The following C3orf20 variants were observed in gnomAD, a reference collection of about 807,000 sequenced individuals.
C3orf20 encodes uncharacterized protein C3orf20.
C3orf20 carries 76 observed loss-of-function variants against 88.3 expected under a neutral mutation model. The observed-to-expected ratio is 0.86, with a 90% CI of 0.72 to 1.04. The LOEUF is 1.04. Among genes scored for constraint, C3orf20 ranks in the 50% least tolerant of loss-of-function variants. The pLI is 0.00. For missense variants in C3orf20, 1,056 were observed against 1,123.3 expected, an observed-to-expected ratio of 0.94 and a Z score of 0.86; for synonymous variants, 436 against 437.4, an observed-to-expected ratio of 1.00 and a Z score of 0.04.
At position 14,755,029 on chromosome 3, in the gene C3orf20, C is replaced by T. The variant is rs375295138; in HGVS notation, c.1941-2342C>T. On this transcript the variant is annotated intron_variant, in intron 12 of 16. Coordinates refer to ENST00000253697, the MANE Select transcript of C3orf20 (RefSeq NM_032137.5). The stretch of plus-strand genomic sequence containing the variant: ...TGTGAGCCACCATGCCCAGCCCTCC[C>T]TCCTTTATAATTTTTAAAACCTATA... 2.4e-4 allele frequency among the ~76,000 whole-genome samples: 37 copies of T among 152,218 alleles called. 1 individual carries two copies. In the South Asian group the frequency reaches 2.9e-3, roughly 12 times the overall value.
At position 14,684,229 on chromosome 3, in the gene C3orf20, A is replaced by G. The variant is rs771708339; in HGVS notation, c.485-13A>G. ...CTAGGAGGGACACGTGTTGCTTTCT[A>G]TCATTGCTTTAGTGGGTGCCAACCC... On this transcript the variant is annotated splice_polypyrimidine_tract_variant and intron_variant, in intron 3 of 16. Coordinates refer to ENST00000253697, the MANE Select transcript of C3orf20 (RefSeq NM_032137.5). 36 of 1,613,516 alleles carry G rather than the reference A, an allele frequency of 2.2e-5. No homozygotes were observed. Among genetic ancestry groups the G allele is most frequent in the Middle Eastern group, 1.7e-4 (1 of 6,056 alleles).
chr3:14,685,612 A>G (rs1036270496), intron 4 of C3orf20, among the ~76,000 whole-genome samples: 1 of 151,894 alleles, frequency 6.6e-6, no homozygotes, highest in Admixed American at 6.6e-5. Flanking sequence ...GTTCTCCACA[A>G]TTCATTCCTC....
intron 7 of C3orf20, among the ~76,000 whole-genome samples, chr3:14,709,252 A>G (rs2033646024): frequency 6.6e-6 from 1 of 152,104 alleles, no homozygotes; most frequent in South Asian, 2.1e-4. Context: ...TTTGCTGTAG[A>G]TTTTTTTGTG....
intron 7 of C3orf20, among the ~76,000 whole-genome samples, chr3:14,712,166 A>G (rs2033766179): frequency 8.2e-5 from 2 of 24,278 alleles, no homozygotes; most frequent in Non-Finnish European, 2.0e-4. Context: ...ACACACACGC[A>G]CACACACGCG....
intron 12 of C3orf20, among the ~76,000 whole-genome samples, chr3:14,755,101 T>C (rs561941079): frequency 3.3e-5 from 5 of 152,338 alleles, no homozygotes; most frequent in African/African-American, 1.2e-4. Context: ...CATATTTTAT[T>C]GGGTTATTAA....
At chr3:14,715,525 A>T in intron 9 of C3orf20, 116 bp downstream of exon 9, 1 of 1,324,442 alleles carries the variant, frequency 7.6e-7, no homozygotes, top group Non-Finnish European at 1.0e-6. Flanking sequence ...GTAAGACAGG[A>T]AGCCTGCCCT....
At chr3:14,711,835 T>A (rs2033752688) in intron 7 of C3orf20, among the ~76,000 whole-genome samples, 1 of 152,106 alleles carries the variant, frequency 6.6e-6, no homozygotes, top group Non-Finnish European at 1.5e-5. Context: ...TTAGTTTTTC[T>A]ATTTGTTTTC....
rs546601274 is a variant in C3orf20, at chr3:14,738,553, G to A, written c.1940+9865G>A. On this transcript the variant is annotated intron_variant, in intron 12 of 16. Coordinates refer to ENST00000253697, the MANE Select transcript of C3orf20 (RefSeq NM_032137.5). ...TCACCATGTTAGCTAGGATGGTCTC[G>A]ATCTCCTGACCTCGTGATCTGCCCA... Among the ~76,000 whole-genome samples, 11 of 149,438 alleles carry A rather than the reference G, an allele frequency of 7.4e-5. No individual in the cohort carries two copies. The South Asian group carries it at 1.5e-3, about 20-fold the overall frequency.
intron 1 of C3orf20, among the ~76,000 whole-genome samples, chr3:14,677,666 A>G (rs2124870691): frequency 6.6e-6 from 1 of 151,938 alleles, no homozygotes; most frequent in South Asian, 2.1e-4. Flanking sequence ...ACACCTGGCT[A>G]CTTTTTGTAT....
Position 14,759,390 on chromosome 3 carries a change from C to T in C3orf20, c.2245-501C>T, listed in dbSNP as rs377441863. 2.7e-4 allele frequency among the ~76,000 whole-genome samples: 41 copies of T among 152,166 alleles called. 1 individual carries two copies. In the South Asian group the frequency reaches 3.1e-3, roughly 12 times the overall value. On this transcript the variant is annotated intron_variant, in intron 13 of 16. Transcript: ENST00000253697. ...CAGCTTTCCTCTGAATTGCCCACAC[C>T]CTACCTTGAGGTGTGGGTTCAGTTC...
intron 12 of C3orf20, among the ~76,000 whole-genome samples, chr3:14,753,966 G>A (rs539166986): frequency 2.0e-5 from 3 of 152,348 alleles, no homozygotes; most frequent in Admixed American, 6.5e-5. Flanking sequence ...TTCACACCAA[G>A]ACTAATCTGC....
In C3orf20 at chr3:14,715,428, G is replaced by T. The variant is rs754728727; in HGVS notation, c.1434+19G>T. The T allele has an allele frequency of 6.9e-6, 11 of 1,605,328 alleles. No individual in the cohort carries two copies. Among genetic ancestry groups the T allele is most frequent in the Admixed American group, 1.7e-5 (1 of 59,668 alleles). ...ATACAAGGTAGGGATGGGCAGCACA[G>T]GTTGGGTGGCAGTGAGCACCACTGT... On this transcript the variant is annotated intron_variant, in intron 9 of 16. Transcript: ENST00000253697.
At chr3:14,709,622 G>A (rs2033661702) in intron 7 of C3orf20, among the ~76,000 whole-genome samples, 1 of 151,976 alleles carries the variant, frequency 6.6e-6, no homozygotes, top group Non-Finnish European at 1.5e-5. Flanking sequence ...ATCAGTTAAG[G>A]TGATCATGAT....
chr3:14,772,722 C>T lies in C3orf20; in HGVS notation c.2631-69C>T, dbSNP rs918946049. On this transcript the variant is annotated intron_variant, in intron 16 of 16. Transcript: ENST00000253697. The surrounding 1 kb of genome is among the most constrained non-coding windows in gnomAD (Gnocchi z 4.2). Reference sequence around the variant, plus strand: ...GAGGGCCTTGCCCCTCCTGGCCCAACCGGGCCTGGGCTCTGGGCACTGTGA... The same window carrying T: ...GAGGGCCTTGCCCCTCCTGGCCCAATCGGGCCTGGGCTCTGGGCACTGTGA... The T allele has an allele frequency of 5.2e-6, 7 of 1,334,026 alleles. No individual in the cohort carries two copies. The highest frequency in any genetic ancestry group is 1.4e-5 in the African/African-American group (1 of 69,506). 82.6% of individuals were successfully genotyped at this position (1,334,026 alleles called of 1,614,324 possible). A position where few individuals can be genotyped will look rare whatever the true frequency, so the allele number is the denominator to read the frequency against.
At position 14,684,084 on chromosome 3, in the gene C3orf20, A is replaced by G. The variant is rs112601498; in HGVS notation, c.485-158A>G. 8.0e-3 allele frequency among the ~76,000 whole-genome samples: 1,213 copies of G among 152,226 alleles called. 11 individuals carry two copies. Among genetic ancestry groups the G allele is most frequent in the African/African-American group, 0.028 (1,142 of 41,512 alleles). ...AAAGCGACATCTGAAGGGTCCTCAGAGCTTGAGAGCCTTTCACAGTAGCCC... is the reference window on the plus strand; with the variant it reads ...AAAGCGACATCTGAAGGGTCCTCAGGGCTTGAGAGCCTTTCACAGTAGCCC... On this transcript the variant is annotated intron_variant, in intron 3 of 16. Coordinates refer to ENST00000253697, the MANE Select transcript of C3orf20 (RefSeq NM_032137.5).
At chr3:14,699,538 G>A (rs1368155649) in intron 5 of C3orf20, among the ~76,000 whole-genome samples, 4 of 152,236 alleles carry the variant, frequency 2.6e-5, no homozygotes, top group African/African-American at 9.6e-5. Flanking sequence ...GATGTATCTA[G>A]AAATGTCATC....
intron 1 of C3orf20, among the ~76,000 whole-genome samples, chr3:14,680,647 CAAT>C (rs141294385): frequency 0.078 from 11,798 of 152,224 alleles, 600 homozygotes; most frequent in Non-Finnish European, 0.11. Flanking sequence ...AATTCTATCT[CAAT>C]AAAGCTGTTC....
In C3orf20 at chr3:14,683,018, C is replaced by T; in HGVS notation, c.305C>T (p.Pro102Leu). The part of the protein sequence containing the change: ...KKPLPPPPPA[P>L]PRPVLLATTG... ...CCACTACCTCCACCACCACCAGCACCACCACGTCCAGTGCTGCTGGCAACC... is the reference window on the plus strand; with the variant it reads ...CCACTACCTCCACCACCACCAGCACTACCACGTCCAGTGCTGCTGGCAACC... Residue 102 changes from proline (P) to leucine (L), a missense_variant, in exon 3 of 17, where the codon CCA becomes CTA. Pro to Leu is a moderately conservative substitution (Grantham distance 98). Coordinates refer to ENST00000253697, the MANE Select transcript of C3orf20 (RefSeq NM_032137.5). 1 of 1,613,104 alleles carries T rather than the reference C, an allele frequency of 6.2e-7. No homozygotes were observed. The highest frequency in any genetic ancestry group is 8.5e-7 in the Non-Finnish European group (1 of 1,179,502).
chr3:14,772,770 G>T lies in C3orf20; in HGVS notation c.2631-21G>T. On this transcript the variant is annotated intron_variant, in intron 16 of 16. Coordinates refer to ENST00000253697, the MANE Select transcript of C3orf20 (RefSeq NM_032137.5). The surrounding 1 kb of genome is among the most constrained non-coding windows in gnomAD (Gnocchi z 4.2). ...TGAAGAACAGCCCTTCCGCCTCCCG[G>T]CCCTCTATTTTGATCTTTAGGACAA... The T allele has an allele frequency of 6.2e-7, 1 of 1,604,518 alleles. No homozygotes were observed. Among genetic ancestry groups the T allele is most frequent in the South Asian group, 1.1e-5 (1 of 90,802 alleles).
Sources: gnomAD v4.1 joint callset for allele counts (sites outside exome capture counted in the v4.1 genomes callset) on GRCh38, gnomAD v4.1.1 for gene constraint, Gnocchi (gnomAD v3.1) non-coding constraint, MANE v1.5 for transcripts, NCBI Gene and HGNC (gene_info 2026-07-23, HGNC 2026-07-21) for gene names.